PABPN1: variants seen among roughly 807,000 people sequenced by gnomAD.
PABPN1 encodes the protein polyadenylate-binding protein 2.
In PABPN1, 5 loss-of-function variants were observed where a neutral mutation model predicts 33.4. That is an observed-to-expected ratio of 0.15 (90% CI 0.08 to 0.32). The LOEUF (loss-of-function observed/expected upper bound fraction) is 0.32, where lower values mean the gene tolerates loss of function less well. Among genes scored for constraint, PABPN1 ranks in the 10% least tolerant of loss-of-function variants. The pLI is 1.00. For missense variants in PABPN1, 312 were observed against 425.8 expected (o/e 0.73, Z 2.35); for synonymous variants, 176 against 170.6 (o/e 1.03, Z -0.25).
In PABPN1 at chr14:23,325,395, A is replaced by G. The variant is rs1888675918; in HGVS notation, c.*109A>G. 2 of 1,352,580 alleles carry G rather than the reference A, an allele frequency of 1.5e-6. No individual in the cohort carries two copies. Among genetic ancestry groups the G allele is most frequent in the African/African-American group, 3.0e-5 (2 of 67,264 alleles). The allele number at this position is 1,352,580 out of a possible 1,614,324, so 83.8% of individuals were successfully genotyped here. On this transcript the variant is annotated 3_prime_UTR_variant, in exon 7 of 7. Coordinates refer to ENST00000216727, the MANE Select transcript of PABPN1 (RefSeq NM_004643.4). ...CAGAAGATGACCTTGATGGAAAAAA[A>G]ATATTTTTTAAAAAAAAGATATACT...
intron 2 of PABPN1, 85 bp from the exon 3 acceptor site, chr14:23,322,914 A>G (rs1414231842): frequency 1.0e-5 from 16 of 1,582,702 alleles, no homozygotes; most frequent in Non-Finnish European, 1.4e-5. Flanking sequence ...AGCTTATGGG[A>G]TAGTGCTGGT....
Position 23,324,150 on chromosome 14 carries a change from C to T in PABPN1, c.742C>T (p.Arg248Ter). 1 of 1,614,204 alleles carries T rather than the reference C, an allele frequency of 6.2e-7. No individual in the cohort carries two copies. Among genetic ancestry groups the T allele is most frequent in the Non-Finnish European group, 8.5e-7 (1 of 1,180,046 alleles). The change falls in exon 6 of 7, where the codon CGA becomes TGA. Residue 248 changes from arginine (R) to a stop codon, truncating the protein, a stop_gained. Transcript: ENST00000216727. LOFTEE classifies it high-confidence loss of function. Reference protein sequence around the residue: ...RGRQIKVIPKRTNRPGISTTD... With the variant: ...RGRQIKVIPK ...ATCTCTGACTCAGGTGATCCCAAAACGAACCAACAGACCAGGCATCAGCAC... is the reference window on the plus strand; with the variant it reads ...ATCTCTGACTCAGGTGATCCCAAAATGAACCAACAGACCAGGCATCAGCAC...
intron 4 of PABPN1, 106 bp from the exon 5 acceptor site, chr14:23,323,858 TA>T: frequency 8.9e-7 from 1 of 1,124,662 alleles, no homozygotes; most frequent in Non-Finnish European, 1.3e-6. Context: ...TTTTGACAAA[TA>T]AAAAATATAA....
intron 1 of PABPN1, 114 bp from the exon 2 acceptor site, chr14:23,322,067 G>A: frequency 2.7e-6 from 3 of 1,123,400 alleles, no homozygotes; most frequent in East Asian, 2.6e-5. Context: ...ACCCTCGCAT[G>A]GGGCGAGGGA....
chr14:23,322,934 G>A, intron 2 of PABPN1, 65 bp from the exon 3 acceptor site: 1 of 1,608,220 alleles, frequency 6.2e-7, no homozygotes, highest in Non-Finnish European at 8.5e-7. Context: ...TGGTGGAAGT[G>A]CAACATATTG....
At chr14:23,321,894 G>A (rs1888314863) in intron 1 of PABPN1, 74 bp downstream of exon 1, 1 of 1,060,796 alleles carries the variant, frequency 9.4e-7, no homozygotes, top group Admixed American at 2.9e-5. Flanking sequence ...GCTCGGGCGA[G>A]CGGGTGGCAG....
At chr14:23,322,516 T>G (rs993309427) in intron 2 of PABPN1, 4 of 581,358 alleles carry the variant, frequency 6.9e-6, no homozygotes, top group Admixed American at 5.5e-5. Context: ...GTGCCTGTTA[T>G]AATTGTGTTG....
At chr14:23,324,447 C>A in intron 6 of PABPN1, 158 bp downstream of exon 6, 1 of 998,594 alleles carries the variant, frequency 1.0e-6, no homozygotes, top group Non-Finnish European at 1.5e-6. Context: ...AGTTGCAGGC[C>A]AGGCCAGAAG....
intron 2 of PABPN1, 196 bp from the exon 3 acceptor site, chr14:23,322,803 A>T: frequency 1.6e-6 from 1 of 643,430 alleles, no homozygotes; most frequent in Non-Finnish European, 2.8e-6. Context: ...TAATTCTTTC[A>T]ATTTATTGAA....
Position 23,322,417 on chromosome 14 carries a change from T to C in PABPN1, c.466+122T>C. On this transcript the variant is annotated intron_variant, in intron 2 of 6. Transcript: ENST00000216727. ...AGCTGCTTGTCTGAGCTATTATGAC[T>C]GTGCCGCGGTCATAGTCCGTTGTGT... 24 of 855,048 alleles carry C rather than the reference T, an allele frequency of 2.8e-5. No homozygotes were observed. In the South Asian group the frequency reaches 3.3e-4, roughly 12 times the overall value. 53.0% of individuals were successfully genotyped at this position (855,048 alleles called of 1,614,324 possible).
In PABPN1 at chr14:23,325,388, GAA is replaced by G; in HGVS notation, c.*109_*110del. On this transcript the variant is annotated 3_prime_UTR_variant, in exon 7 of 7. Transcript: ENST00000216727. The stretch of plus-strand genomic sequence containing the variant: ...AGAAAAACAGAAGATGACCTTGATG[GAA>G]AAAAAATATTTTTTAAAAAAAAGAT... The G allele has an allele frequency of 7.2e-7, 1 of 1,380,070 alleles. No homozygotes were observed. The highest frequency in any genetic ancestry group is 2.5e-5 in the East Asian group (1 of 40,024). The allele number at this position is 1,380,070 out of a possible 1,614,324, so 85.5% of individuals were successfully genotyped here.
At chr14:23,322,413 T>C (rs1888379167) in intron 2 of PABPN1, 118 bp downstream of exon 2, 1 of 881,128 alleles carries the variant, frequency 1.1e-6, no homozygotes, top group Non-Finnish European at 1.9e-6. Context: ...TGAGCTATTA[T>C]GACTGTGCCG....
chr14:23,325,182 G>A (rs952954955), intron 6 of PABPN1, 65 bp from the exon 7 acceptor site: 1 of 1,608,464 alleles, frequency 6.2e-7, no homozygotes, highest in Non-Finnish European at 8.5e-7. Flanking sequence ...GGGGCCTACG[G>A]GGAGGGGCTT....
In PABPN1 at chr14:23,325,989, T is replaced by G. The variant is rs1888733240; in HGVS notation, c.*703T>G. On this transcript the variant is annotated 3_prime_UTR_variant, in exon 7 of 7. Coordinates refer to ENST00000216727, the MANE Select transcript of PABPN1 (RefSeq NM_004643.4). ...TGTTTTTGTTTTTCAGTTGTTTTGTTTTTTTGTTTTTTTTTTTTTTCCTTT... is the reference window on the plus strand; with the variant it reads ...TGTTTTTGTTTTTCAGTTGTTTTGTGTTTTTGTTTTTTTTTTTTTTCCTTT... 3.0e-5 allele frequency: 1 copy of G among 33,130 alleles called. No homozygotes were observed. The highest frequency in any genetic ancestry group is 8.6e-5 in the African/African-American group (1 of 11,592). The allele number at this position is 33,130 out of a possible 1,614,324, so 2.1% of individuals were successfully genotyped here.
chr14:23,323,358 AT>A lies in PABPN1; in HGVS notation c.535-14del, dbSNP rs1478983772. ...CAGGAATTTGCCTGGTGCCTGTGAA[AT>A]TTTTCTCCTCTCATCAGGTGGACTA... On this transcript the variant is annotated intron_variant, in intron 3 of 6. Coordinates refer to ENST00000216727, the MANE Select transcript of PABPN1 (RefSeq NM_004643.4). 5 of 1,611,974 alleles carry A rather than the reference AT, an allele frequency of 3.1e-6. No homozygotes were observed. Among genetic ancestry groups the A allele is most frequent in the Non-Finnish European group, 3.4e-6 (4 of 1,179,644 alleles).
At chr14:23,325,226 A>G (rs1202015476) in intron 6 of PABPN1, 21 bp from the exon 7 acceptor site, 1 of 1,613,364 alleles carries the variant, frequency 6.2e-7, no homozygotes, top group East Asian at 2.2e-5. Context: ...GTTAACACCT[A>G]ACTCTCCTTC....
In PABPN1 at chr14:23,324,584, G is replaced by A. The variant is rs1304669537; in HGVS notation, c.881+295G>A. 9.7e-5 allele frequency: 55 copies of A among 565,674 alleles called. No individual in the cohort carries two copies. In the East Asian group the frequency reaches 1.0e-3, roughly 10 times the overall value. The allele number at this position is 565,674 out of a possible 1,614,324, so 35.0% of individuals were successfully genotyped here. A position where few individuals can be genotyped will look rare whatever the true frequency, so the allele number is the denominator to read the frequency against. On this transcript the variant is annotated intron_variant, in intron 6 of 6. Transcript: ENST00000216727. ...GTTGGTGGCATTTGAAGGTGTTTGCGGACAAAACTGGGAGGAACAGGGCCT... is the reference window on the plus strand; with the variant it reads ...GTTGGTGGCATTTGAAGGTGTTTGCAGACAAAACTGGGAGGAACAGGGCCT...
rs376203495 is a variant in PABPN1, at chr14:23,325,349, T to TA, written c.*77dup. ...AGGAAAGAAGGAAAAAAAAAAGAATTAAAAAAAAAAAAAAGAAAAACAGAA... is the reference window on the plus strand; with the variant it reads ...AGGAAAGAAGGAAAAAAAAAAGAATTAAAAAAAAAAAAAAAGAAAAACAGAA... On this transcript the variant is annotated 3_prime_UTR_variant, in exon 7 of 7. Coordinates refer to ENST00000216727, the MANE Select transcript of PABPN1 (RefSeq NM_004643.4). The TA allele has an allele frequency of 0.07, 72,981 of 1,043,114 alleles. 3 individuals are homozygous for TA. The highest frequency in any genetic ancestry group is 0.076 in the Non-Finnish European group (58,824 of 776,796). 64.6% of individuals were successfully genotyped at this position (1,043,114 alleles called of 1,614,324 possible).
At position 23,326,107 on chromosome 14, in the gene PABPN1, G is replaced by A. The variant is rs1888749261; in HGVS notation, c.*821G>A. ...GTTTATTTTTTTAGCTCATTTCCAG[G>A]GGTGGGAATTTTTTTTTAATATGTG... On this transcript the variant is annotated 3_prime_UTR_variant, in exon 7 of 7. Transcript: ENST00000216727. 6.6e-6 allele frequency: 1 copy of A among 152,314 alleles called. No homozygotes were observed. The highest frequency in any genetic ancestry group is 1.5e-5 in the Non-Finnish European group (1 of 67,978). 9.4% of individuals were successfully genotyped at this position (152,314 alleles called of 1,614,324 possible).
Sources: gnomAD v4.1 joint callset for allele counts on GRCh38, gnomAD v4.1.1 for gene constraint, MANE v1.5 for transcripts, NCBI Gene and HGNC (gene_info 2026-07-23, HGNC 2026-07-21) for gene names.